Variants in CADPS observed in about 807,000 individuals in gnomAD.
CADPS encodes calcium dependent secretion activator, also known as calcium-dependent secretion activator 1.
A neutral mutation model predicts 167.3 loss-of-function variants in CADPS; 57 were observed. The ratio of observed to expected loss-of-function variants is 0.34; its 90% confidence interval spans 0.28 to 0.42. The LOEUF (loss-of-function observed/expected upper bound fraction) is 0.42, where lower values mean the gene tolerates loss of function less well. CADPS is among the 20% of genes least tolerant of loss of function. CADPS has a pLI of 1.00. For missense variants in CADPS, 1,414 were observed against 1,738.1 expected, an observed-to-expected ratio of 0.81 and a Z score of 3.32; for synonymous variants, 676 against 635.3, an observed-to-expected ratio of 1.06 and a Z score of -0.96.
At chr3:62,647,907 T>A (rs2068962193) in intron 5 of CADPS, among the ~76,000 whole-genome samples, 1 of 152,204 alleles carries the variant, frequency 6.6e-6, no homozygotes, top group African/African-American at 2.4e-5. Context: ...AGTGGCATTC[T>A]ACAAACACCT....
intron 3 of CADPS, among the ~76,000 whole-genome samples, chr3:62,702,233 T>C (rs2081527155): frequency 1.3e-5 from 2 of 152,182 alleles, no homozygotes; most frequent in Non-Finnish European, 2.9e-5. Flanking sequence ...TTCAGGCCTG[T>C]CTCAGATACT....
At position 62,829,497 on chromosome 3, in the gene CADPS, T is replaced by C. The variant is rs151050271; in HGVS notation, c.441+45092A>G. Among the ~76,000 whole-genome samples, 72 of 152,250 alleles carry C rather than the reference T, an allele frequency of 4.7e-4. No homozygotes were observed. In the East Asian group the frequency reaches 0.013, roughly 28 times the overall value. ...CAAGAGATGACTATAATTTCATCTA[T>C]GTCACAGGTTATAGTGAATATTGTA... On this transcript the variant is annotated intron_variant, in intron 1 of 29. Transcript: ENST00000383710.
intron 2 of CADPS, among the ~76,000 whole-genome samples, chr3:62,762,258 A>C (rs775417383): frequency 4.6e-5 from 7 of 152,246 alleles, no homozygotes; most frequent in Non-Finnish European, 8.8e-5. Context: ...AAAATAAGAA[A>C]TAACAATAAA....
chr3:62,857,715 T>A lies in CADPS; in HGVS notation c.441+16874A>T, dbSNP rs540927649. On this transcript the variant is annotated intron_variant, in intron 1 of 29. Transcript: ENST00000383710. ...GTATAAATATATATTATGTGCATAA[T>A]GGATGTCTTTGGGTGGTAAAATTAG... Among the ~76,000 whole-genome samples, 17 of 152,178 alleles carry A rather than the reference T, an allele frequency of 1.1e-4. No individual in the cohort carries two copies. In the South Asian group the frequency reaches 3.5e-3, roughly 32 times the overall value.
intron 7 of CADPS, among the ~76,000 whole-genome samples, chr3:62,590,228 G>A (rs1255722983): frequency 6.6e-6 from 1 of 151,698 alleles, no homozygotes; most frequent in Non-Finnish European, 1.5e-5. Flanking sequence ...CCTGGATCCT[G>A]GGTCTTCGGA....
intron 10 of CADPS, among the ~76,000 whole-genome samples, chr3:62,552,346 T>C (rs559781840): frequency 3.4e-4 from 51 of 152,226 alleles, no homozygotes; most frequent in African/African-American, 1.2e-3. Context: ...ACCTGCACGT[T>C]GTGCACATGT....
intron 26 of CADPS, among the ~76,000 whole-genome samples, chr3:62,451,294 A>T (rs1379976396): frequency 6.6e-6 from 1 of 152,062 alleles, no homozygotes; most frequent in Admixed American, 6.6e-5. Flanking sequence ...CACAATGCTG[A>T]TGACTAAGGG....
rs564949646 is a variant in CADPS at position 62,570,846 on chromosome 3, C to T, written c.1644+26G>A. On this transcript the variant is annotated intron_variant, in intron 9 of 29. Coordinates refer to ENST00000383710, the MANE Select transcript of CADPS (RefSeq NM_003716.4). ...TCTAGCAAATCTTTAATACTGATGT[C>T]TCTTAAGAGTTGAAGAGTTAGTTAC... 31 of 1,468,256 alleles carry T rather than the reference C, an allele frequency of 2.1e-5. No homozygotes were observed. The African/African-American group carries it at 3.5e-4, about 16-fold the overall frequency. 91.0% of individuals were successfully genotyped at this position (1,468,256 alleles called of 1,614,324 possible).
intron 28 of CADPS, among the ~76,000 whole-genome samples, chr3:62,409,559 A>G (rs1483826501): frequency 6.6e-6 from 1 of 152,232 alleles, no homozygotes; most frequent in African/African-American, 2.4e-5. Context: ...AATGATAAGA[A>G]AAAGGTGAAT....
At chr3:62,863,260 C>A (rs752296939) in intron 1 of CADPS, among the ~76,000 whole-genome samples, 1 of 152,052 alleles carries the variant, frequency 6.6e-6, no homozygotes, top group African/African-American at 2.4e-5. Flanking sequence ...GCCTTGGCCC[C>A]AACCCATGTG....
rs1046910704 is a variant in CADPS, at chr3:62,420,759, T to C, written c.3777+17345A>G. On this transcript the variant is annotated intron_variant, in intron 28 of 29. Coordinates refer to ENST00000383710, the MANE Select transcript of CADPS (RefSeq NM_003716.4). This position sits in a 1 kb window ranked among gnomAD's most constrained non-coding sequence, Gnocchi z 4.1. ...CTGGGTTCTGCCTCCAATGGCGCCC[T>C]TTCCTCTTGCTTTATTTTTACTCTC... 6.6e-6 allele frequency among the ~76,000 whole-genome samples: 1 copy of C among 152,100 alleles called. No individual in the cohort carries two copies. The highest frequency in any genetic ancestry group is 2.4e-5 in the African/African-American group (1 of 41,410).
chr3:62,473,433 C>A (rs1271100972), intron 24 of CADPS, among the ~76,000 whole-genome samples: 2 of 152,286 alleles, frequency 1.3e-5, no homozygotes, highest in Admixed American at 6.5e-5. Context: ...GCAATTTATG[C>A]CAATTGGCAA....
intron 1 of CADPS, among the ~76,000 whole-genome samples, chr3:62,873,132 C>T (rs1379301156): frequency 6.6e-6 from 1 of 152,246 alleles, no homozygotes; most frequent in African/African-American, 2.4e-5. Context: ...CACCTCCTGT[C>T]TCTCACCCTG....
At chr3:62,807,043 A>G (rs559199368) in intron 1 of CADPS, among the ~76,000 whole-genome samples, 5 of 152,312 alleles carry the variant, frequency 3.3e-5, no homozygotes, top group Non-Finnish European at 7.3e-5. Context: ...TATTTTAAAG[A>G]TAGTTTGTTT....
At chr3:62,667,738 C>T (rs995263446) in intron 3 of CADPS, among the ~76,000 whole-genome samples, 10 of 151,994 alleles carry the variant, frequency 6.6e-5, no homozygotes, top group Non-Finnish European at 1.2e-4. Context: ...GGGATGTGCT[C>T]ACCTAGGCAA....
intron 3 of CADPS, among the ~76,000 whole-genome samples, chr3:62,680,116 T>C (rs1459147931): frequency 1.3e-5 from 2 of 151,880 alleles, no homozygotes; most frequent in South Asian, 2.1e-4. Flanking sequence ...CTTGGGGCAG[T>C]GGAAGACGGA....
intron 20 of CADPS, among the ~76,000 whole-genome samples, chr3:62,491,923 TG>T (rs1271790928): frequency 1.3e-5 from 2 of 152,202 alleles, no homozygotes; most frequent in Admixed American, 1.3e-4. Context: ...TACTCTGAAA[TG>T]CTTGACATGT....
intron 3 of CADPS, among the ~76,000 whole-genome samples, chr3:62,735,679 A>T (rs1025188739): frequency 5.3e-5 from 8 of 152,166 alleles, no homozygotes; most frequent in African/African-American, 1.9e-4. Context: ...CGGTCATGTG[A>T]CTGAGCTCTT....
intron 2 of CADPS, among the ~76,000 whole-genome samples, chr3:62,754,115 C>T (rs908160441): frequency 3.9e-5 from 6 of 152,128 alleles, no homozygotes; most frequent in Non-Finnish European, 7.3e-5. Flanking sequence ...GGACTTTGGG[C>T]AAGTTAACCT....
Sources: gnomAD v4.1 joint callset for allele counts (sites outside exome capture counted in the v4.1 genomes callset) on GRCh38, gnomAD v4.1.1 for gene constraint, Gnocchi (gnomAD v3.1) non-coding constraint, MANE v1.5 for transcripts, NCBI Gene and HGNC (gene_info 2026-07-23, HGNC 2026-07-21) for gene names.